ARFIP1: variants seen among roughly 807,000 people sequenced by gnomAD.
ARFIP1 encodes the protein ARF interacting protein 1.
ARFIP1 carries 24 observed loss-of-function variants against 42.5 expected under a neutral mutation model. The ratio of observed to expected loss-of-function variants is 0.57; its 90% CI spans 0.41 to 0.80. ARFIP1 has a LOEUF of 0.80. ARFIP1 is among the 30% of genes least tolerant of loss of function. The probability of loss-of-function intolerance (pLI) is 0.00; values close to 1 mark genes in which losing one functional copy is unlikely to be tolerated. For synonymous variants in ARFIP1, 141 were observed against 153.7 expected, an observed-to-expected ratio of 0.92 and a Z score of 0.61; for missense variants, 354 against 434.0, an observed-to-expected ratio of 0.82 and a Z score of 1.64.
intron 8 of ARFIP1, among the ~76,000 whole-genome samples, chr4:152,899,843 G>A (rs1737672386): frequency 6.6e-6 from 1 of 152,114 alleles, no homozygotes; most frequent in African/African-American, 2.4e-5. Flanking sequence ...ACCTATATCT[G>A]TATAATATGT....
chr4:152,866,518 C>T (rs1321751241), intron 3 of ARFIP1, among the ~76,000 whole-genome samples: 5 of 150,004 alleles, frequency 3.3e-5, no homozygotes, highest in East Asian at 2.0e-4. Flanking sequence ...ACCTCCCTCC[C>T]GGACGGGGCG....
chr4:152,796,369 A>T, intron 1 of ARFIP1: 1 of 721,440 alleles, frequency 1.4e-6, no homozygotes, highest in Non-Finnish European at 2.5e-6. Context: ...TTGTAAAGAC[A>T]TCTCTAGCAA....
Position 152,829,648 on chromosome 4 carries a change from T to C in ARFIP1, c.15T>C (p.Ser5=). ...AGGAGTCTACCATGGCTCAAGAATC[T>C]CCCAAAAATTCAGCAGCAGAAATTC... MAQE[S]PKNSAAEIPV... Residue 5 remains serine, a synonymous_variant, in exon 2 of 9, where the codon TCT becomes TCC. Transcript: ENST00000353617. 1 of 1,611,930 alleles carries C rather than the reference T, an allele frequency of 6.2e-7. No individual in the cohort carries two copies. The highest frequency in any genetic ancestry group is 8.5e-7 in the Non-Finnish European group (1 of 1,178,704).
chr4:152,859,262 A>C (rs908557348), intron 2 of ARFIP1, among the ~76,000 whole-genome samples: 1 of 152,042 alleles, frequency 6.6e-6, no homozygotes, highest in Non-Finnish European at 1.5e-5. Context: ...GGGTTTTGCC[A>C]TGTTGCCTAG....
At position 152,881,059 on chromosome 4, in the gene ARFIP1, A is replaced by C; in HGVS notation, c.508A>C (p.Lys170Gln). The change falls in exon 6 of 9, where the codon AAA becomes CAA. Residue 170 changes from lysine to glutamine, a missense_variant. Physicochemically the swap from Lys to Gln is moderately conservative, Grantham distance 53 (BLOSUM62 1). Coordinates refer to ENST00000353617, the MANE Select transcript of ARFIP1 (RefSeq NM_001025595.3). ...AQIDILRDNK[K>Q]KYENILKLAQ... is the part of the protein sequence containing the mutation. ...GATTGATATATTAAGGGATAACAAG[A>C]AAAAATATGAAAATATTTTAAAACT... is the stretch of plus-strand genomic sequence containing the variant. The C allele has an allele frequency of 6.2e-7, 1 of 1,613,774 alleles. No individual in the cohort carries two copies. The highest frequency in any genetic ancestry group is 1.1e-5 in the South Asian group (1 of 91,042).
At chr4:152,816,646 G>A (rs1009075184) in intron 1 of ARFIP1, among the ~76,000 whole-genome samples, 3 of 152,198 alleles carry the variant, frequency 2.0e-5, no homozygotes, top group African/African-American at 7.2e-5. Flanking sequence ...CAACTAGAAT[G>A]TAAGCTCTAT....
Position 152,829,626 on chromosome 4 carries a change from A to T in ARFIP1, c.-8A>T. 1 of 1,602,936 alleles carries T rather than the reference A, an allele frequency of 6.2e-7. No homozygotes were observed. Among genetic ancestry groups the T allele is most frequent in the Non-Finnish European group, 8.5e-7 (1 of 1,175,120 alleles). Reference sequence around the variant, plus strand: ...GCTTTTTTTCTTCTTTTGTTTTAGGAGTCTACCATGGCTCAAGAATCTCCC... The same window carrying T: ...GCTTTTTTTCTTCTTTTGTTTTAGGTGTCTACCATGGCTCAAGAATCTCCC... On this transcript the variant is annotated splice_region_variant and 5_prime_UTR_variant, in exon 2 of 9. Transcript: ENST00000353617.
rs775296196 is a variant in ARFIP1, at chr4:152,910,098, A to G, written c.1001A>G (p.His334Arg). Residue 334 changes from histidine to arginine, a missense_variant, in exon 9 of 9, where the codon CAC (histidine) becomes CGC (arginine). Transcript: ENST00000353617. ...KVLHNQLVLF[H>R]NAIAAYFAGN... ...TTGCACAATCAGCTGGTCCTTTTCC[A>G]CAATGCCATTGCCGCTTACTTTGCT... 5 of 1,614,068 alleles carry G rather than the reference A, an allele frequency of 3.1e-6. No individual in the cohort carries two copies. The highest frequency in any genetic ancestry group is 4.5e-5 in the East Asian group (2 of 44,898).
chr4:152,904,076 T>TA (rs1738078988), intron 8 of ARFIP1, among the ~76,000 whole-genome samples: 2 of 151,470 alleles, frequency 1.3e-5, no homozygotes, highest in African/African-American at 4.8e-5. Flanking sequence ...TTTAAGTTCA[T>TA]GGGTACACGT....
intron 1 of ARFIP1, among the ~76,000 whole-genome samples, chr4:152,826,697 A>T (rs1201665389): frequency 6.6e-6 from 1 of 152,160 alleles, no homozygotes; most frequent in African/African-American, 2.4e-5. Context: ...TATCCAAAAG[A>T]ATTGAAAGCA....
At chr4:152,909,393 A>T (rs1160960205) in intron 8 of ARFIP1, among the ~76,000 whole-genome samples, 1 of 152,210 alleles carries the variant, frequency 6.6e-6, no homozygotes, top group East Asian at 1.9e-4. Flanking sequence ...TCAAAAAACA[A>T]AACAAAACAA....
intron 2 of ARFIP1, among the ~76,000 whole-genome samples, chr4:152,847,121 G>GTTTTTTTTT (rs1561139273): frequency 8.3e-5 from 4 of 48,180 alleles, no homozygotes; most frequent in Non-Finnish European, 1.7e-4. Flanking sequence ...TTTTAGGTTT[G>GTTTTTTTTT]TTCTTTTTTT....
intron 8 of ARFIP1, among the ~76,000 whole-genome samples, chr4:152,905,053 C>T (rs1467048089): frequency 6.6e-6 from 1 of 152,158 alleles, no homozygotes; most frequent in African/African-American, 2.4e-5. Flanking sequence ...GCCTTCCCAG[C>T]ATCTGTTGTT....
At chr4:152,863,564 A>AT (rs138793616) in intron 2 of ARFIP1, 42 bp from the exon 3 acceptor site, 41,381 of 1,179,100 alleles carry the variant, frequency 0.035, 1,136 homozygotes, top group South Asian at 0.1. Context: ...GTCATGTGGG[A>AT]TTTTTTTACA....
chr4:152,814,914 T>G (rs1578856086), intron 1 of ARFIP1, among the ~76,000 whole-genome samples: 1 of 152,332 alleles, frequency 6.6e-6, no homozygotes, highest in Non-Finnish European at 1.5e-5. Flanking sequence ...GTTTACTTTC[T>G]GATACTTTCA....
chr4:152,790,913 T>C (rs2149815696), intron 1 of ARFIP1, among the ~76,000 whole-genome samples: 1 of 151,468 alleles, frequency 6.6e-6, no homozygotes, highest in Non-Finnish European at 1.5e-5. Context: ...TTGTATTTTT[T>C]TTTTTATAGA....
At chr4:152,836,174 G>C (rs1731632149) in intron 2 of ARFIP1, among the ~76,000 whole-genome samples, 1 of 152,182 alleles carries the variant, frequency 6.6e-6, no homozygotes, top group Non-Finnish European at 1.5e-5. Flanking sequence ...ACCTGCAGTT[G>C]ACGGGTAAGT....
intron 1 of ARFIP1, among the ~76,000 whole-genome samples, chr4:152,790,184 CT>C (rs1450344192): frequency 6.6e-6 from 1 of 151,934 alleles, no homozygotes; most frequent in East Asian, 1.9e-4. Flanking sequence ...AAAAAATTAC[CT>C]GTGAATATTG....
chr4:152,802,371 A>G (rs1728494211), intron 1 of ARFIP1, among the ~76,000 whole-genome samples: 1 of 152,128 alleles, frequency 6.6e-6, no homozygotes, highest in Non-Finnish European at 1.5e-5. Flanking sequence ...CTTTGCCTGG[A>G]ATTGACTGAA....
Sources: allele counts gnomAD v4.1 joint callset (sites outside exome capture counted in the v4.1 genomes callset), GRCh38; gene constraint gnomAD v4.1.1; transcripts MANE v1.5; gene names NCBI Gene and HGNC (gene_info 2026-07-23, HGNC 2026-07-21).